Variants in PRUNE1 observed in about 807,000 individuals in gnomAD.
PRUNE1 encodes the protein exopolyphosphatase PRUNE1.
Under a neutral mutation model 42.5 loss-of-function variants are expected in PRUNE1, and 25 were observed. That is an observed-to-expected ratio of 0.59 (90% confidence interval 0.43 to 0.82). The LOEUF (loss-of-function observed/expected upper bound fraction) is 0.82. PRUNE1 is among the 40% of genes least tolerant of loss of function. PRUNE1 has a pLI of 0.00. For synonymous variants in PRUNE1, 203 were observed against 217.1 expected (o/e 0.93, Z 0.57); for missense variants, 443 against 539.3 (o/e 0.82, Z 1.77).
At position 151,009,110 on chromosome 1, in the gene PRUNE1, C is replaced by T. The variant is rs112178046; in HGVS notation, c.39+439C>T. On this transcript the variant is annotated intron_variant, in intron 1 of 7. Coordinates refer to ENST00000271620, the MANE Select transcript of PRUNE1 (RefSeq NM_021222.3). The stretch of plus-strand genomic sequence containing the variant: ...CTTGGCCCACTGGCCTCCAGGTGAA[C>T]CTCGGGGGTGTGGAGGGAACCGGTG... 8.7e-3 allele frequency among the ~76,000 whole-genome samples: 1,327 copies of T among 152,232 alleles called. 9 individuals are homozygous for T. Among genetic ancestry groups the T allele is most frequent in the Non-Finnish European group, 0.012 (840 of 68,020 alleles).
In PRUNE1 at chr1:151,024,640, C is replaced by T. The variant is rs1161016774; in HGVS notation, c.365C>T (p.Ala122Val). 6.2e-7 allele frequency: 1 copy of T among 1,612,336 alleles called. No homozygotes were observed. Among genetic ancestry groups the T allele is most frequent in the Non-Finnish European group, 8.5e-7 (1 of 1,178,332 alleles). The change falls in exon 4 of 8, where the codon GCA (alanine) becomes GTA (valine). Residue 122 changes from alanine to valine, a missense_variant. Transcript: ENST00000271620. Reference sequence around the variant, plus strand: ...GACACAGCCCTAGAGGAGGCAGTAGCAGAGGTGCTAGACCATCGACCCATC... The same window carrying T: ...GACACAGCCCTAGAGGAGGCAGTAGTAGAGGTGCTAGACCATCGACCCATC... ...KSDTALEEAVAEVLDHRPIEP... is the reference protein window; with the variant it reads ...KSDTALEEAVVEVLDHRPIEP...
In PRUNE1 at chr1:151,028,803, T is replaced by C. The variant is rs1459188094; in HGVS notation, c.792T>C (p.Ser264=). The change falls in exon 7 of 8, where the codon TCT becomes TCC. Residue 264 remains serine (S), a synonymous_variant. Coordinates refer to ENST00000271620, the MANE Select transcript of PRUNE1 (RefSeq NM_021222.3). ...CCTTTCAGGCCTTTCTGCAGAGGTC[T>C]AACCTCCTTGCAGATCTCCATGCTT... ...YMDLEAFLQR[S]NLLADLHAFC... is the part of the protein sequence containing the mutation. 2.5e-6 allele frequency: 4 copies of C among 1,613,990 alleles called. No individual in the cohort carries two copies. The highest frequency in any genetic ancestry group is 3.4e-6 in the Non-Finnish European group (4 of 1,180,006).
chr1:151,029,875 A>G (rs1237663959), intron 7 of PRUNE1, among the ~76,000 whole-genome samples: 1 of 152,154 alleles, frequency 6.6e-6, no homozygotes, highest in Middle Eastern at 3.2e-3. Flanking sequence ...CAAACTCTGT[A>G]AAGAAGTGAT....
chr1:151,025,193 CTG>C (rs1674749961), intron 4 of PRUNE1, among the ~76,000 whole-genome samples: 2 of 151,814 alleles, frequency 1.3e-5, no homozygotes, highest in Admixed American at 1.3e-4. Flanking sequence ...TTGGACTAGA[CTG>C]TCTTTTCCAA....
At chr1:151,009,125 G>T (rs1673575685) in intron 1 of PRUNE1, among the ~76,000 whole-genome samples, 1 of 152,180 alleles carries the variant, frequency 6.6e-6, no homozygotes, top group Admixed American at 6.5e-5. Context: ...GGGGTGTGGA[G>T]GGAACCGGTG....
At position 151,019,235 on chromosome 1, in the gene PRUNE1, A is replaced by AT. The variant is rs370606688; in HGVS notation, c.335+569dup. On this transcript the variant is annotated intron_variant, in intron 3 of 7. Transcript: ENST00000271620. ...CAAACTAAAGGGTAACTCAAAAATC[A>AT]TTTAAATCTGCCTTTGGTATCATTA... 3.0e-3 allele frequency among the ~76,000 whole-genome samples: 456 copies of AT among 152,186 alleles called. 2 individuals are homozygous for AT. Among genetic ancestry groups the AT allele is most frequent in the South Asian group, 8.1e-3 (39 of 4,818 alleles).
intron 3 of PRUNE1, among the ~76,000 whole-genome samples, chr1:151,021,912 C>A (rs587744596): frequency 6.6e-6 from 1 of 151,438 alleles, no homozygotes; most frequent in East Asian, 1.9e-4. Context: ...AGGTGATCCG[C>A]CCACCTCGGA....
chr1:151,008,881 G>A lies in PRUNE1; in HGVS notation c.39+210G>A, dbSNP rs921518400. 1.1e-4 allele frequency: 75 copies of A among 713,198 alleles called. No individual in the cohort carries two copies. In the African/African-American group the frequency reaches 1.2e-3, roughly 11 times the overall value. 44.2% of individuals were successfully genotyped at this position (713,198 alleles called of 1,614,324 possible). On this transcript the variant is annotated intron_variant, in intron 1 of 7. Coordinates refer to ENST00000271620, the MANE Select transcript of PRUNE1 (RefSeq NM_021222.3). Reference sequence around the variant, plus strand: ...GAGAATGCTGCTTGTTCAGTCTCCCGGTTTTTGGCTCCCCGCCTTTGGGGT... The same window carrying A: ...GAGAATGCTGCTTGTTCAGTCTCCCAGTTTTTGGCTCCCCGCCTTTGGGGT...
At chr1:151,009,661 T>C (rs1673626467) in intron 1 of PRUNE1, among the ~76,000 whole-genome samples, 1 of 152,230 alleles carries the variant, frequency 6.6e-6, no homozygotes, top group Non-Finnish European at 1.5e-5. Context: ...GATTCTGGTC[T>C]TTAACAAATC....
Position 151,035,336 on chromosome 1 carries a change from G to A in PRUNE1, c.*1102G>A, listed in dbSNP as rs1460389093. On this transcript the variant is annotated 3_prime_UTR_variant, in exon 8 of 8. Transcript: ENST00000271620. ...TGTATTTCTGTGTGGTTGTAGCAAG[G>A]ACTCAGCCTCATGTAGCACGAATAG... 1 of 152,220 alleles carries A rather than the reference G, an allele frequency of 6.6e-6. No homozygotes were observed. Among genetic ancestry groups the A allele is most frequent in the Non-Finnish European group, 1.5e-5 (1 of 68,070 alleles). 9.4% of individuals were successfully genotyped at this position (152,220 alleles called of 1,614,324 possible). A position where few individuals can be genotyped will look rare whatever the true frequency, so the allele number is the denominator to read the frequency against.
At chr1:151,030,220 G>A (rs587670230) in intron 7 of PRUNE1, among the ~76,000 whole-genome samples, 6 of 143,494 alleles carry the variant, frequency 4.2e-5, no homozygotes, top group African/African-American at 5.2e-5. Context: ...CCGAGATTGC[G>A]CCACTGTACT....
chr1:151,027,771 T>C (rs1471293988), intron 6 of PRUNE1, among the ~76,000 whole-genome samples: 235 of 141,490 alleles, frequency 1.7e-3, no homozygotes, highest in African/African-American at 2.7e-3. Flanking sequence ...TGTGTGTGTG[T>C]GTGTGTGTGT....
At chr1:151,024,892 C>T in intron 4 of PRUNE1, 97 bp downstream of exon 4, 2 of 1,256,216 alleles carry the variant, frequency 1.6e-6, no homozygotes, top group South Asian at 1.5e-5. Flanking sequence ...TAACCATATG[C>T]TCTCAGAGCC....
intron 1 of PRUNE1, among the ~76,000 whole-genome samples, chr1:151,010,086 T>G (rs1206157596): frequency 6.6e-6 from 1 of 152,090 alleles, no homozygotes; most frequent in Non-Finnish European, 1.5e-5. Context: ...AGTAGTATAT[T>G]CTCTATTTTT....
At chr1:151,031,889 C>A (rs7532312) in intron 7 of PRUNE1, among the ~76,000 whole-genome samples, 134,106 of 152,174 alleles carry the variant, frequency 0.88, 59,115 homozygotes, top group East Asian at 0.91. Flanking sequence ...CATCTTACTT[C>A]GCTTTAGTTA....
chr1:151,034,326 C>A lies in PRUNE1; in HGVS notation c.*92C>A. 7.5e-7 allele frequency: 1 copy of A among 1,329,720 alleles called. No individual in the cohort carries two copies. The highest frequency in any genetic ancestry group is 1.0e-6 in the Non-Finnish European group (1 of 960,660). The allele number at this position is 1,329,720 out of a possible 1,614,324, so 82.4% of individuals were successfully genotyped here. ...TTTGGAGATTCAGCAATTCTGTCTT[C>A]ATTGCTCCAGGATCTGGTATACTGT... On this transcript the variant is annotated 3_prime_UTR_variant, in exon 8 of 8. Transcript: ENST00000271620.
Position 151,034,417 on chromosome 1 carries a change from T to G in PRUNE1, c.*183T>G. 3.3e-6 allele frequency: 2 copies of G among 614,438 alleles called. No individual in the cohort carries two copies. Among genetic ancestry groups the G allele is most frequent in the South Asian group, 4.3e-5 (2 of 46,494 alleles). 38.1% of individuals were successfully genotyped at this position (614,438 alleles called of 1,614,324 possible). On this transcript the variant is annotated 3_prime_UTR_variant, in exon 8 of 8. Transcript: ENST00000271620. ...GCTGCTTTAAGAATGGTTTTCCACC[T>G]TTTCCCCCTAATCTCTACCAATCAG...
intron 7 of PRUNE1, among the ~76,000 whole-genome samples, chr1:151,031,941 C>T (rs1042415374): frequency 2.0e-5 from 3 of 152,146 alleles, no homozygotes; most frequent in Non-Finnish European, 4.4e-5. Flanking sequence ...ACTGTTTCCT[C>T]TGTTTTTAAA....
chr1:151,030,655 T>A (rs1435136352), intron 7 of PRUNE1, among the ~76,000 whole-genome samples: 1 of 152,012 alleles, frequency 6.6e-6, no homozygotes, highest in Non-Finnish European at 1.5e-5. Flanking sequence ...CTGACTAATT[T>A]TTGTATTTTT....
Sources: allele counts gnomAD v4.1 joint callset (sites outside exome capture counted in the v4.1 genomes callset), GRCh38; gene constraint gnomAD v4.1.1; transcripts MANE v1.5; gene names NCBI Gene and HGNC (gene_info 2026-07-23, HGNC 2026-07-21).